Variants in NBEA observed in about 807,000 individuals in gnomAD.
NBEA encodes the protein neurobeachin, also known as lysosomal-trafficking regulator 2.
NBEA carries 44 observed loss-of-function variants against 343.4 expected under a neutral mutation model. The ratio of observed to expected loss-of-function variants is 0.13; its 90% CI spans 0.10 to 0.16. The LOEUF is 0.16. Ranked by LOEUF, NBEA falls within the 10% of genes least tolerant of loss-of-function variation. The probability of loss-of-function intolerance (pLI) is 1.00; values close to 1 mark genes in which losing one functional copy is unlikely to be tolerated. For missense variants in NBEA, 2,555 were observed against 3,631.3 expected, an observed-to-expected ratio of 0.70 and a Z score of 7.62; for synonymous variants, 1,175 against 1,238.7, an observed-to-expected ratio of 0.95 and a Z score of 1.08.
At chr13:35,215,942 T>TAG (rs1342336235) in intron 33 of NBEA, among the ~76,000 whole-genome samples, 3 of 151,560 alleles carry the variant, frequency 2.0e-5, no homozygotes, top group Admixed American at 1.3e-4. Flanking sequence ...TTACCCATCT[T>TAG]ATCTAAGTTG....
intron 1 of NBEA, among the ~76,000 whole-genome samples, chr13:34,995,168 A>AT (rs2060895221): frequency 6.6e-6 from 1 of 152,092 alleles, no homozygotes; most frequent in Non-Finnish European, 1.5e-5. Context: ...AAAAGGAAAA[A>AT]CTGGCTGGGT....
chr13:35,413,058 T>TA (rs2043686896), intron 38 of NBEA, among the ~76,000 whole-genome samples: 1 of 152,130 alleles, frequency 6.6e-6, no homozygotes, highest in South Asian at 2.1e-4. Context: ...ATCACTAAAG[T>TA]GGTAGGAAGG....
chr13:35,379,557 T>C (rs541170597), intron 38 of NBEA, among the ~76,000 whole-genome samples: 1 of 152,310 alleles, frequency 6.6e-6, no homozygotes, highest in African/African-American at 2.4e-5. Context: ...TGATTAGTGA[T>C]TTCTGTTTTT....
intron 49 of NBEA, among the ~76,000 whole-genome samples, chr13:35,635,884 A>T (rs1029393451): frequency 2.6e-5 from 4 of 152,330 alleles, no homozygotes; most frequent in African/African-American, 9.6e-5. Flanking sequence ...GAAAAGCATA[A>T]ATAATGCAGC....
chr13:35,556,414 C>CT (rs2079574508), intron 44 of NBEA, among the ~76,000 whole-genome samples: 1 of 151,948 alleles, frequency 6.6e-6, no homozygotes, highest in African/African-American at 2.4e-5. Flanking sequence ...ACTTTTAACT[C>CT]TATCGTGGAC....
chr13:35,133,047 T>C (rs1047661393), intron 17 of NBEA, among the ~76,000 whole-genome samples: 1 of 151,806 alleles, frequency 6.6e-6, no homozygotes, highest in Non-Finnish European at 1.5e-5. Context: ...AAAAGTACTT[T>C]AAAAGATACC....
intron 45 of NBEA, 66 bp from the exon 46 acceptor site, chr13:35,583,832 A>G: frequency 8.5e-7 from 1 of 1,182,628 alleles, no homozygotes; most frequent in South Asian, 1.4e-5. Context: ...CTGAAAGTAT[A>G]AAGATTTATT....
chr13:35,465,928 T>C lies in NBEA; in HGVS notation c.6449-6472T>C, dbSNP rs573521470. Among the ~76,000 whole-genome samples the C allele has an allele frequency of 3.3e-5, 5 of 152,168 alleles. No individual in the cohort carries two copies. The East Asian group carries it at 9.7e-4, about 29-fold the overall frequency. On this transcript the variant is annotated intron_variant, in intron 40 of 58. Coordinates refer to ENST00000379939, the MANE Select transcript of NBEA (RefSeq NM_001385012.1). ...GTTAAAGTTAGAGCATATAAGAGTC[T>C]TTCTCAGTACTTTTTAAAATTATGT...
At chr13:34,951,745 T>C (rs376689982) in intron 1 of NBEA, among the ~76,000 whole-genome samples, 1 of 152,186 alleles carries the variant, frequency 6.6e-6, no homozygotes, top group Admixed American at 6.5e-5. Context: ...GTCTCTTCCA[T>C]CTCTTCTCTC....
At chr13:35,200,219 T>C (rs1170369153) in intron 31 of NBEA, among the ~76,000 whole-genome samples, 1 of 152,010 alleles carries the variant, frequency 6.6e-6, no homozygotes, top group Non-Finnish European at 1.5e-5. Flanking sequence ...ATCGATGGTT[T>C]ATAAAATGTT....
intron 1 of NBEA, among the ~76,000 whole-genome samples, chr13:35,016,687 G>A (rs554327225): frequency 5.7e-4 from 86 of 152,110 alleles, no homozygotes; most frequent in Middle Eastern, 3.4e-3. Flanking sequence ...TGTAGTGCTA[G>A]GAATGAAATA....
At chr13:35,468,101 G>A (rs1566176522) in intron 40 of NBEA, among the ~76,000 whole-genome samples, 5 of 131,682 alleles carry the variant, frequency 3.8e-5, no homozygotes, top group African/African-American at 2.9e-5. Flanking sequence ...TCCTGAAAAT[G>A]ATTTACACCC....
At chr13:34,954,972 G>A (rs2059449354) in intron 1 of NBEA, among the ~76,000 whole-genome samples, 1 of 152,140 alleles carries the variant, frequency 6.6e-6, no homozygotes, top group Non-Finnish European at 1.5e-5. Context: ...AAGTTTTCTG[G>A]ATATTTGAGA....
At chr13:35,315,277 G>A (rs928236150) in intron 36 of NBEA, among the ~76,000 whole-genome samples, 1 of 152,078 alleles carries the variant, frequency 6.6e-6, no homozygotes, top group Non-Finnish European at 1.5e-5. Flanking sequence ...GAAAGCAATT[G>A]TGCAGTTGTC....
intron 51 of NBEA, among the ~76,000 whole-genome samples, chr13:35,649,344 T>C (rs2084403376): frequency 6.6e-6 from 1 of 152,232 alleles, no homozygotes. Context: ...TGTTACGTCA[T>C]GTGGGTGTGT....
intron 18 of NBEA, among the ~76,000 whole-genome samples, chr13:35,151,568 C>T (rs934666603): frequency 2.0e-5 from 3 of 149,016 alleles, no homozygotes; most frequent in African/African-American, 4.9e-5. Context: ...AAAATTAAGG[C>T]ACAAAATCAG....
At chr13:35,374,846 T>C (rs2041651083) in intron 38 of NBEA, among the ~76,000 whole-genome samples, 2 of 152,068 alleles carry the variant, frequency 1.3e-5, no homozygotes, top group South Asian at 4.1e-4. Context: ...GGTTTTCCTT[T>C]ATTTTTCTCA....
At chr13:35,267,079 A>T (rs1472864444) in intron 34 of NBEA, among the ~76,000 whole-genome samples, 11 of 151,950 alleles carry the variant, frequency 7.2e-5, no homozygotes, top group Admixed American at 7.2e-4. Context: ...AAGGTCTTCA[A>T]CCTCATTGCC....
At chr13:35,264,890 C>G (rs1452546933) in intron 34 of NBEA, among the ~76,000 whole-genome samples, 1 of 151,548 alleles carries the variant, frequency 6.6e-6, no homozygotes, top group Non-Finnish European at 1.5e-5. Context: ...CTGGACAGAA[C>G]AGCCAGGCAA....
Sources: allele counts gnomAD v4.1 joint callset (sites outside exome capture counted in the v4.1 genomes callset), GRCh38; gene constraint gnomAD v4.1.1; transcripts MANE v1.5; gene names NCBI Gene and HGNC (gene_info 2026-07-23, HGNC 2026-07-21).